MID2: variants seen among roughly 807,000 people sequenced by gnomAD.
The protein encoded by MID2 is probable E3 ubiquitin-protein ligase MID2.
A neutral mutation model predicts 46.1 loss-of-function variants in MID2; 13 were observed. The ratio of observed to expected loss-of-function variants is 0.28; its 90% CI spans 0.18 to 0.45. MID2 has a LOEUF of 0.45. MID2 is among the 20% of genes least tolerant of loss of function. The pLI, the probability that MID2 is intolerant of heterozygous loss-of-function variation, is 1.00. For missense variants in MID2, 431 were observed against 575.4 expected (o/e 0.75, Z 2.57); for synonymous variants, 199 against 212.3 (o/e 0.94, Z 0.55).
intron 1 of MID2, among the ~76,000 whole-genome samples, chrX:107,832,623 G>A (rs1365350765): frequency 9.0e-6 from 1 of 111,220 alleles, no homozygotes; most frequent in African/African-American, 3.3e-5. Flanking sequence ...AGGATTGCTC[G>A]GCTAATTTGG....
chrX:107,871,465 T>C (rs1341108592), intron 3 of MID2, among the ~76,000 whole-genome samples: 1 of 110,936 alleles, frequency 9.0e-6, no homozygotes, highest in East Asian at 2.8e-4. Flanking sequence ...CCAGAAAGAG[T>C]GTTACAGTCA....
intron 2 of MID2, among the ~76,000 whole-genome samples, chrX:107,846,872 A>G (rs1931496160): frequency 1.8e-5 from 2 of 112,273 alleles, no homozygotes; most frequent in African/African-American, 6.5e-5. Flanking sequence ...GTTTGAGAAC[A>G]ATTTACAAAA....
chrX:107,840,867 A>G lies in MID2; in HGVS notation c.202A>G (p.Ile68Val). Residue 68 changes from isoleucine (I) to valine (V), a missense_variant, in exon 2 of 10, where the codon ATT becomes GTT. By Grantham distance (29) the Ile-to-Val change is conservative. Coordinates refer to ENST00000262843, the MANE Select transcript of MID2 (RefSeq NM_012216.4). ...ATCAAGCTGCAGCTCTGGTGAATCC[A>G]TTGAACCCATTACTGCTTTCCAGTG... is the stretch of plus-strand genomic sequence containing the variant. ...LVSSCSSGES[I>V]EPITAFQCPT... 3 of 1,211,482 alleles carry G rather than the reference A, an allele frequency of 2.5e-6. No individual in the cohort carries two copies. The highest frequency in any genetic ancestry group is 3.4e-6 in the Non-Finnish European group (3 of 895,422).
intron 1 of MID2, among the ~76,000 whole-genome samples, chrX:107,828,621 T>C (rs1378884122): frequency 8.9e-6 from 1 of 112,294 alleles, no homozygotes; most frequent in Non-Finnish European, 1.9e-5. Context: ...CTTTTATTTA[T>C]AAATTACCCA....
At chrX:107,850,833 C>A (rs1190703740) in intron 2 of MID2, among the ~76,000 whole-genome samples, 4 of 111,816 alleles carry the variant, frequency 3.6e-5, no homozygotes, top group Admixed American at 1.9e-4. Flanking sequence ...GAACACATAG[C>A]AGAGATTTTG....
chrX:107,833,123 C>A (rs1327075141), intron 1 of MID2, among the ~76,000 whole-genome samples: 1 of 111,508 alleles, frequency 9.0e-6, no homozygotes, highest in South Asian at 3.7e-4. Context: ...CCTAGTCACA[C>A]TAATAAATAA....
rs145853577 is a variant in MID2, at chrX:107,904,041, C to T, written c.900C>T (p.Ile300=). Residue 300 remains isoleucine, a synonymous_variant, in exon 4 of 10, where the codon ATC becomes ATT. Transcript: ENST00000262843. ...VEIIQQRKQM[I]AVKIKETKVM... ...TCATCCAGCAGAGGAAGCAAATGAT[C>T]GCTGTCAAAATCAAAGAGACAAAGG... 3.2e-5 allele frequency: 38 copies of T among 1,197,720 alleles called. No homozygotes were observed. In the African/African-American group the frequency reaches 6.3e-4, roughly 20 times the overall value.
chrX:107,851,483 T>C (rs1302052534), intron 2 of MID2, among the ~76,000 whole-genome samples: 1 of 111,598 alleles, frequency 9.0e-6, no homozygotes, highest in Non-Finnish European at 1.9e-5. Context: ...TGCATTACCC[T>C]ACGGCCTTGA....
At chrX:107,879,339 C>T (rs778570713) in intron 3 of MID2, among the ~76,000 whole-genome samples, 9 of 111,483 alleles carry the variant, frequency 8.1e-5, no homozygotes, top group Non-Finnish European at 1.1e-4. Context: ...TGGCTCTCAG[C>T]GGGAAGGGGA....
In MID2 at chrX:107,930,855, G is replaced by A. The variant is rs765706141; in HGVS notation, c.*3782G>A. Among the ~76,000 whole-genome samples, 1 of 112,494 alleles carries A rather than the reference G, an allele frequency of 8.9e-6. No individual in the cohort carries two copies. Among genetic ancestry groups the A allele is most frequent in the East Asian group, 2.8e-4 (1 of 3,584 alleles). On this transcript the variant is annotated 3_prime_UTR_variant, in exon 10 of 10. Coordinates refer to ENST00000262843, the MANE Select transcript of MID2 (RefSeq NM_012216.4). The stretch of plus-strand genomic sequence containing the variant: ...TGTTTCTACCAGAAGATTATTTTAT[G>A]TCTGCAATTTATGCTTGTTTCCACT...
intron 2 of MID2, among the ~76,000 whole-genome samples, chrX:107,849,394 A>G (rs1242641876): frequency 9.0e-6 from 1 of 110,938 alleles, no homozygotes; most frequent in Non-Finnish European, 1.9e-5. Flanking sequence ...GCTTTAATAA[A>G]GAGGTGGTGT....
chrX:107,918,446 CT>C (rs1481513159), intron 7 of MID2, among the ~76,000 whole-genome samples: 3 of 111,949 alleles, frequency 2.7e-5, no homozygotes, highest in African/African-American at 9.7e-5. Flanking sequence ...ATCTCCATAG[CT>C]GCAAATTAGT....
intron 3 of MID2, among the ~76,000 whole-genome samples, chrX:107,882,975 G>A: frequency 8.9e-6 from 1 of 111,972 alleles, no homozygotes; most frequent in Non-Finnish European, 1.9e-5. Flanking sequence ...TGATAGACTG[G>A]ATAAAGAAAA....
At chrX:107,874,665 A>G (rs938389928) in intron 3 of MID2, among the ~76,000 whole-genome samples, 2 of 112,466 alleles carry the variant, frequency 1.8e-5, no homozygotes, top group Non-Finnish European at 3.8e-5. Flanking sequence ...CCCAAATTAG[A>G]GAGTGAGTTT....
In MID2 at chrX:107,927,355, T is replaced by C. The variant is rs949719620; in HGVS notation, c.*282T>C. 9.0e-6 allele frequency among the ~76,000 whole-genome samples: 1 copy of C among 111,663 alleles called. No individual in the cohort carries two copies. The highest frequency in any genetic ancestry group is 3.3e-5 in the African/African-American group (1 of 30,726). ...TGGAGAATTAAAAATTCCCAATGAT[T>C]TAAGAATATAAATTATATTGGAAGC... is the stretch of plus-strand genomic sequence containing the variant. On this transcript the variant is annotated 3_prime_UTR_variant, in exon 10 of 10. Coordinates refer to ENST00000262843, the MANE Select transcript of MID2 (RefSeq NM_012216.4).
chrX:107,887,961 G>A (rs1303991760), intron 3 of MID2, among the ~76,000 whole-genome samples: 6 of 111,297 alleles, frequency 5.4e-5, no homozygotes, highest in African/African-American at 9.8e-5. Context: ...CTGTGGGATC[G>A]GTGGTGATAT....
chrX:107,834,986 A>C (rs1311132066), intron 1 of MID2, among the ~76,000 whole-genome samples: 1 of 111,735 alleles, frequency 8.9e-6, no homozygotes, highest in Non-Finnish European at 1.9e-5. Flanking sequence ...GAACCTTTTC[A>C]TCATCCCAGA....
chrX:107,903,988 A>G lies in MID2; in HGVS notation c.847A>G (p.Met283Val). The G allele has an allele frequency of 8.3e-7, 1 of 1,209,497 alleles. No homozygotes were observed. Among genetic ancestry groups the G allele is most frequent in the South Asian group, 1.8e-5 (1 of 56,916 alleles). Residue 283 changes from methionine (M) to valine (V), a missense_variant, in exon 4 of 10, where the codon ATG becomes GTG. Transcript: ENST00000262843. ...VNTAMHEAKL[M>V]EECDELVEII... ...TACTGCTATGCATGAGGCAAAACTTATGGAAGAATGTGACGAGTTGGTAGA... is the reference window on the plus strand; with the variant it reads ...TACTGCTATGCATGAGGCAAAACTTGTGGAAGAATGTGACGAGTTGGTAGA...
At chrX:107,896,632 G>A (rs766269576) in intron 3 of MID2, among the ~76,000 whole-genome samples, 1 of 112,540 alleles carries the variant, frequency 8.9e-6, no homozygotes, top group Admixed American at 9.4e-5. Flanking sequence ...TGTGTGAACT[G>A]TCTATGCTTT....
Sources: gnomAD v4.1 joint callset for allele counts (sites outside exome capture counted in the v4.1 genomes callset) on GRCh38, gnomAD v4.1.1 for gene constraint, MANE v1.5 for transcripts, NCBI Gene and HGNC (gene_info 2026-07-23, HGNC 2026-07-21) for gene names.